TAF15: variants seen among roughly 807,000 people sequenced by gnomAD.
TAF15 encodes the protein TATA-binding protein-associated factor 2N.
A neutral mutation model predicts 102.5 loss-of-function variants in TAF15; 37 were observed. The ratio of observed to expected loss-of-function variants is 0.36; its 90% CI spans 0.28 to 0.47. TAF15 has a LOEUF of 0.47. TAF15 is among the 20% of genes least tolerant of loss of function. The probability of loss-of-function intolerance (pLI) is 0.99; values close to 1 mark genes in which losing one functional copy is unlikely to be tolerated. For missense variants in TAF15, 652 were observed against 760.7 expected, an observed-to-expected ratio of 0.86 and a Z score of 1.68; for synonymous variants, 273 against 259.2, an observed-to-expected ratio of 1.05 and a Z score of -0.51.
At chr17:35,835,411 G>A (rs2087461776) in intron 9 of TAF15, among the ~76,000 whole-genome samples, 1 of 152,128 alleles carries the variant, frequency 6.6e-6, no homozygotes, top group African/African-American at 2.4e-5. Context: ...TGAAATTCAA[G>A]GCTACAGATT....
At chr17:35,832,221 C>T (rs1011894421) in intron 7 of TAF15, among the ~76,000 whole-genome samples, 2 of 152,154 alleles carry the variant, frequency 1.3e-5, no homozygotes, top group Non-Finnish European at 2.9e-5. Context: ...AAAGGGAGGG[C>T]TTTAGTACTG....
chr17:35,841,386 C>T (rs994005137), intron 11 of TAF15, among the ~76,000 whole-genome samples: 1 of 152,110 alleles, frequency 6.6e-6, no homozygotes, highest in Non-Finnish European at 1.5e-5. Context: ...TTCACATATT[C>T]TACAGCTGGC....
chr17:35,838,409 T>G lies in TAF15; in HGVS notation c.784-15T>G. On this transcript the variant is annotated splice_polypyrimidine_tract_variant and intron_variant, in intron 10 of 15. Coordinates refer to ENST00000605844, the MANE Select transcript of TAF15 (RefSeq NM_139215.3). Reference sequence around the variant, plus strand: ...TTTAAAAATGCTAACACCAAGTGTTTCTGTTTTTCCTCAGACAAATAAGAA... The same window carrying G: ...TTTAAAAATGCTAACACCAAGTGTTGCTGTTTTTCCTCAGACAAATAAGAA... 1 of 1,614,036 alleles carries G rather than the reference T, an allele frequency of 6.2e-7. No homozygotes were observed. Among genetic ancestry groups the G allele is most frequent in the Non-Finnish European group, 8.5e-7 (1 of 1,180,006 alleles).
At position 35,834,304 on chromosome 17, in the gene TAF15, G is replaced by A. The variant is rs2087443336; in HGVS notation, c.641-262G>A. 3 of 463,346 alleles carry A rather than the reference G, an allele frequency of 6.5e-6. No homozygotes were observed. The South Asian group carries it at 1.0e-4, about 16-fold the overall frequency. 28.7% of individuals were successfully genotyped at this position (463,346 alleles called of 1,614,324 possible). A position where few individuals can be genotyped will look rare whatever the true frequency, so the allele number is the denominator to read the frequency against. On this transcript the variant is annotated intron_variant, in intron 8 of 15. Coordinates refer to ENST00000605844, the MANE Select transcript of TAF15 (RefSeq NM_139215.3). ...TGTCCAATCAGCCTTTACAACCAGAGCTTAACAAAAGTGATACTAGCATAA... is the reference window on the plus strand; with the variant it reads ...TGTCCAATCAGCCTTTACAACCAGAACTTAACAAAAGTGATACTAGCATAA...
chr17:35,825,121 TG>T (rs1356875396), intron 7 of TAF15, among the ~76,000 whole-genome samples: 1 of 152,238 alleles, frequency 6.6e-6, no homozygotes, highest in East Asian at 1.9e-4. Context: ...ATCTGTCCCC[TG>T]AGGTGACCTG....
intron 7 of TAF15, among the ~76,000 whole-genome samples, chr17:35,826,754 G>A (rs531516929): frequency 6.9e-6 from 1 of 144,868 alleles, no homozygotes; most frequent in East Asian, 2.0e-4. Context: ...TTTAAGTAGT[G>A]ATGGGGTTTC....
intron 1 of TAF15, among the ~76,000 whole-genome samples, chr17:35,813,877 T>G (rs1486249991): frequency 6.6e-6 from 1 of 152,180 alleles, no homozygotes; most frequent in Non-Finnish European, 1.5e-5. Flanking sequence ...GAAGCAGTGG[T>G]ATGATTAATA....
intron 6 of TAF15, chr17:35,823,731 T>G: frequency 2.0e-5 from 5 of 254,398 alleles, no homozygotes; most frequent in South Asian, 8.4e-5. Flanking sequence ...AAAAAAAAGA[T>G]TGGGGTCGTG....
chr17:35,846,613 G>C (rs2087625778), intron 15 of TAF15, among the ~76,000 whole-genome samples: 1 of 152,212 alleles, frequency 6.6e-6, no homozygotes, highest in African/African-American at 2.4e-5. Flanking sequence ...CTCCTATTTA[G>C]AGTGCTGGAA....
At chr17:35,809,974 A>C (rs1279006917) in intron 1 of TAF15, 2 of 355,854 alleles carry the variant, frequency 5.6e-6, no homozygotes, top group Non-Finnish European at 1.1e-5. Context: ...TCTTTCAGCG[A>C]GGCCTCGGGC....
intron 7 of TAF15, among the ~76,000 whole-genome samples, chr17:35,831,672 C>G (rs900722032): frequency 2.0e-5 from 3 of 152,154 alleles, no homozygotes; most frequent in Non-Finnish European, 4.4e-5. Context: ...AGCACTTATT[C>G]GTGAACCCAG....
At chr17:35,822,276 G>C (rs1598525576) in intron 5 of TAF15, among the ~76,000 whole-genome samples, 2 of 151,588 alleles carry the variant, frequency 1.3e-5, no homozygotes, top group East Asian at 3.9e-4. Context: ...ATGAGGTGGA[G>C]GTTGCGGTGA....
intron 1 of TAF15, among the ~76,000 whole-genome samples, chr17:35,813,499 G>A (rs904041485): frequency 1.3e-5 from 2 of 152,072 alleles, no homozygotes; most frequent in Non-Finnish European, 2.9e-5. Context: ...AGCTGAATGT[G>A]GCGGTATGCA....
Position 35,836,260 on chromosome 17 carries a change from T to A in TAF15, c.783+19T>A. On this transcript the variant is annotated intron_variant, in intron 10 of 15. Transcript: ENST00000605844. Reference sequence around the variant, plus strand: ...TATCAAGGTGAGTAAAAATATTATATGTTGAAAATCTCATAATTAATGTTC... The same window carrying A: ...TATCAAGGTGAGTAAAAATATTATAAGTTGAAAATCTCATAATTAATGTTC... The A allele has an allele frequency of 6.7e-7, 1 of 1,487,228 alleles. No individual in the cohort carries two copies. The highest frequency in any genetic ancestry group is 9.4e-7 in the Non-Finnish European group (1 of 1,066,048). The allele number at this position is 1,487,228 out of a possible 1,614,324, so 92.1% of individuals were successfully genotyped here. A position where few individuals can be genotyped will look rare whatever the true frequency, so the allele number is the denominator to read the frequency against.
At chr17:35,817,688 G>T in intron 1 of TAF15, 28 bp from the exon 2 acceptor site, 1 of 1,602,560 alleles carries the variant, frequency 6.2e-7, no homozygotes, top group Non-Finnish European at 8.5e-7. Flanking sequence ...TTTTAAATAA[G>T]ATTTAAAATT....
At position 35,814,808 on chromosome 17, in the gene TAF15, G is replaced by A. The variant is rs186598773; in HGVS notation, c.8-2908G>A. Among the ~76,000 whole-genome samples, 417 of 151,440 alleles carry A rather than the reference G, an allele frequency of 2.8e-3. 4 individuals are homozygous for A. The highest frequency in any genetic ancestry group is 9.7e-3 in the African/African-American group (401 of 41,208). On this transcript the variant is annotated intron_variant, in intron 1 of 15. Transcript: ENST00000605844. ...GCAGAGGTTGCAGTAAGTCAAAATC[G>A]TGTCACTGCACTCCATCCTGGGTGA... is the stretch of plus-strand genomic sequence containing the variant.
intron 7 of TAF15, among the ~76,000 whole-genome samples, chr17:35,825,051 G>A (rs1340397296): frequency 2.6e-5 from 4 of 152,126 alleles, no homozygotes; most frequent in East Asian, 3.9e-4. Context: ...TCAGTGGCCC[G>A]TTACAGAAAC....
chr17:35,842,560 TCG>T, intron 12 of TAF15, 101 bp downstream of exon 12: 2 of 903,698 alleles, frequency 2.2e-6, no homozygotes, highest in Non-Finnish European at 3.6e-6. Context: ...GCTTTTTCTC[TCG>T]CTAGGTCTTT....
At position 35,838,446 on chromosome 17, in the gene TAF15, C is replaced by T. The variant is rs1469789757; in HGVS notation, c.806C>T (p.Pro269Leu). 2 of 1,613,918 alleles carry T rather than the reference C, an allele frequency of 1.2e-6. No individual in the cohort carries two copies. Among genetic ancestry groups the T allele is most frequent in the Non-Finnish European group, 1.7e-6 (2 of 1,180,008 alleles). ...CAGACAAATAAGAAGACCGGAAAAC[C>T]AATGATAAATCTTTATACAGACAAG... ...IIKTNKKTGK[P>L]MINLYTDKDT... The change falls in exon 11 of 16, where the codon CCA becomes CTA. Residue 269 changes from proline (P) to leucine (L), a missense_variant. Pro to Leu is a moderately conservative substitution (Grantham distance 98, BLOSUM62 -3). Coordinates refer to ENST00000605844, the MANE Select transcript of TAF15 (RefSeq NM_139215.3).
Sources: allele counts gnomAD v4.1 joint callset (sites outside exome capture counted in the v4.1 genomes callset), GRCh38; gene constraint gnomAD v4.1.1; transcripts MANE v1.5; gene names NCBI Gene and HGNC (gene_info 2026-07-23, HGNC 2026-07-21).